The following REV3L variants were observed in gnomAD, a reference collection of about 807,000 sequenced individuals.
REV3L encodes REV3 like, DNA directed polymerase zeta catalytic subunit, also known as DNA polymerase zeta catalytic subunit.
REV3L carries 69 observed loss-of-function variants against 299.4 expected under a neutral mutation model. The ratio of observed to expected loss-of-function variants is 0.23; its 90% CI spans 0.19 to 0.28. The LOEUF is 0.28. Among genes scored for constraint, REV3L ranks in the 10% least tolerant of loss-of-function variants. REV3L has a pLI of 1.00. For missense variants in REV3L, 3,128 were observed against 3,693.8 expected, an observed-to-expected ratio of 0.85 and a Z score of 3.97; for synonymous variants, 1,238 against 1,271.4, an observed-to-expected ratio of 0.97 and a Z score of 0.56.
At chr6:111,323,091 C>T (rs562711886) in intron 25 of REV3L, among the ~76,000 whole-genome samples, 17 of 151,756 alleles carry the variant, frequency 1.1e-4, no homozygotes, top group Non-Finnish European at 2.5e-4. Flanking sequence ...TGGGTTCAAG[C>T]GATTCTCCTG....
chr6:111,382,619 C>A (rs1227761862), intron 9 of REV3L, among the ~76,000 whole-genome samples: 4 of 152,184 alleles, frequency 2.6e-5, no homozygotes, highest in African/African-American at 7.2e-5. Flanking sequence ...CTACTATGGG[C>A]TAAAGTGCTT....
intron 1 of REV3L, among the ~76,000 whole-genome samples, chr6:111,423,921 T>TA (rs745785161): frequency 9.9e-5 from 15 of 152,220 alleles, no homozygotes; most frequent in Non-Finnish European, 1.8e-4. Context: ...TATACAATTT[T>TA]ACATGTCTAT....
Position 111,343,965 on chromosome 6 carries a change from C to T in REV3L, c.7498G>A (p.Val2500Ile). ...TTGTTATCAAACCAGTCTGACAAGACTCGAAAGGTAAAGAGGGGAAAACGC... is the reference window on the plus strand; with the variant it reads ...TTGTTATCAAACCAGTCTGACAAGATTCGAAAGGTAAAGAGGGGAAAACGC... ...HQRFPLFTFR[V>I]LSDWFDNKTD... The change falls in exon 21 of 32, where the codon GTC (valine) becomes ATC (isoleucine). Residue 2500 changes from valine (V) to isoleucine (I), a missense_variant. Val to Ile is a conservative substitution (Grantham distance 29, BLOSUM62 3). This residue lies in a region of REV3L where 149 missense variants were observed against 286.4 expected (regional missense o/e 0.52). Coordinates refer to ENST00000368802, the MANE Select transcript of REV3L (RefSeq NM_001372078.1). 6.2e-7 allele frequency: 1 copy of T among 1,613,226 alleles called. No homozygotes were observed. Among genetic ancestry groups the T allele is most frequent in the Non-Finnish European group, 8.5e-7 (1 of 1,179,696 alleles).
chr6:111,354,848 C>G (rs1258789513), intron 18 of REV3L, among the ~76,000 whole-genome samples: 1 of 152,110 alleles, frequency 6.6e-6, no homozygotes, highest in African/African-American at 2.4e-5. Flanking sequence ...CAGAAAAAAG[C>G]TGCTTCACAG....
chr6:111,306,492 T>C (rs923464413), intron 31 of REV3L, among the ~76,000 whole-genome samples: 2 of 152,198 alleles, frequency 1.3e-5, no homozygotes, highest in Admixed American at 1.3e-4. Context: ...CAAATTTTTC[T>C]TTAGATTTCA....
Position 111,374,376 on chromosome 6 carries a change from T to C in REV3L, c.3979A>G (p.Ile1327Val), listed in dbSNP as rs55717383. Residue 1327 changes from isoleucine (I) to valine (V), a missense_variant, in exon 13 of 32, where the codon ATA (isoleucine) becomes GTA (valine). Coordinates refer to ENST00000368802, the MANE Select transcript of REV3L (RefSeq NM_001372078.1). ...TTAATTTTTGAGACTCCAGGTCCTA[T>C]AGAATTACAAACAACTGATGGATGC... ...DLHPSVVCNSIGPGVSKINVQ... is the reference protein window; with the variant it reads ...DLHPSVVCNSVGPGVSKINVQ... 578 of 1,614,018 alleles carry C rather than the reference T, an allele frequency of 3.6e-4. 6 individuals carry two copies. The African/African-American group carries it at 6.4e-3, about 18-fold the overall frequency.
intron 1 of REV3L, among the ~76,000 whole-genome samples, chr6:111,422,078 T>A (rs908244215): frequency 2.0e-5 from 3 of 152,202 alleles, no homozygotes; most frequent in African/African-American, 4.8e-5. Context: ...TCAGAATTTA[T>A]CTTACAGAAA....
At chr6:111,301,129 A>C (rs1263020200) in intron 31 of REV3L, among the ~76,000 whole-genome samples, 1 of 151,626 alleles carries the variant, frequency 6.6e-6, no homozygotes, top group African/African-American at 2.4e-5. Context: ...TAGACACGGG[A>C]TGAAATATGC....
Position 111,309,999 on chromosome 6 carries a change from C to G in REV3L, c.8896G>C (p.Val2966Leu). The change falls in exon 30 of 32, where the codon GTA becomes CTA. Residue 2966 changes from valine (V) to leucine (L), a missense_variant. Physicochemically the swap from Val to Leu is conservative, Grantham distance 32 (BLOSUM62 1). Around this residue, in one of 9 missense-constraint regions of REV3L, gnomAD observed 294 missense variants for 377.0 expected, o/e 0.78. Coordinates refer to ENST00000368802, the MANE Select transcript of REV3L (RefSeq NM_001372078.1). ...TGCAGGACTTCCACTGGGCGCCTTA[C>G]AAGCTGGATAAGTGGTACTCCGGGG... is the stretch of plus-strand genomic sequence containing the variant. ...GTPGVPLIQL[V>L]RRPVEVLQDP... is the part of the protein sequence containing the mutation. The G allele has an allele frequency of 1.2e-6, 2 of 1,613,836 alleles. No homozygotes were observed. Among genetic ancestry groups the G allele is most frequent in the Non-Finnish European group, 1.7e-6 (2 of 1,179,884 alleles).
intron 21 of REV3L, among the ~76,000 whole-genome samples, chr6:111,336,238 A>G (rs1405949359): frequency 6.6e-6 from 1 of 152,056 alleles, no homozygotes; most frequent in Non-Finnish European, 1.5e-5. Context: ...AAGAAAACAA[A>G]CAATAAAACC....
At position 111,376,175 on chromosome 6, in the gene REV3L, C is replaced by A. The variant is rs755045446; in HGVS notation, c.2180G>T (p.Gly727Val). The change falls in exon 13 of 32, where the codon GGA (glycine) becomes GTA (valine). Residue 727 changes from glycine to valine, a missense_variant. Physicochemically the swap from Gly to Val is moderately radical, Grantham distance 109. Transcript: ENST00000368802. ...TAAACTACTCAGAGCTGTGCTGTTT[C>A]CTTTTTCATTTCCTTCAGAGGATAC... ...NKVSSEGNEK[G>V]NSTALSSLFP... The A allele has an allele frequency of 1.2e-6, 2 of 1,612,162 alleles. No homozygotes were observed. Among genetic ancestry groups the A allele is most frequent in the South Asian group, 1.1e-5 (1 of 90,824 alleles).
chr6:111,441,761 G>C (rs1041922355), intron 1 of REV3L, among the ~76,000 whole-genome samples: 4 of 152,030 alleles, frequency 2.6e-5, no homozygotes, highest in African/African-American at 9.7e-5. Context: ...TACTGTCTTT[G>C]GGTTTCCCTA....
At chr6:111,356,493 A>C (rs1778099735) in intron 18 of REV3L, among the ~76,000 whole-genome samples, 1 of 152,210 alleles carries the variant, frequency 6.6e-6, no homozygotes, top group East Asian at 1.9e-4. Context: ...TGTGCACAAG[A>C]GTATGTAATA....
intron 19 of REV3L, among the ~76,000 whole-genome samples, chr6:111,350,579 C>G (rs1167197388): frequency 6.6e-6 from 1 of 151,836 alleles, no homozygotes; most frequent in Non-Finnish European, 1.5e-5. Context: ...ATCTCTGCCC[C>G]CCATTCCCTT....
Position 111,482,803 on chromosome 6 carries a change from T to C in REV3L, c.86A>G (p.Gln29Arg). ...GLDTCQSPLT[Q>R]APVKKVPVVR... Reference sequence around the variant, plus strand: ...CACCGGCACCTTCTTGACAGGGGCCTGGGTGAGGGGGGATTGGCAGGTATC... The same window carrying C: ...CACCGGCACCTTCTTGACAGGGGCCCGGGTGAGGGGGGATTGGCAGGTATC... Residue 29 changes from glutamine (Q) to arginine (R), a missense_variant, in exon 1 of 32, where the codon CAG becomes CGG. Physicochemically the swap from Gln to Arg is conservative, Grantham distance 43 (BLOSUM62 1). Transcript: ENST00000368802. The C allele has an allele frequency of 6.7e-7, 1 of 1,502,632 alleles. No individual in the cohort carries two copies. Among genetic ancestry groups the C allele is most frequent in the Non-Finnish European group, 8.9e-7 (1 of 1,128,438 alleles). 93.1% of individuals were successfully genotyped at this position (1,502,632 alleles called of 1,614,324 possible).
At chr6:111,366,197 G>A (rs1055896499) in intron 14 of REV3L, among the ~76,000 whole-genome samples, 5 of 152,144 alleles carry the variant, frequency 3.3e-5, no homozygotes, top group African/African-American at 4.8e-5. Flanking sequence ...TAAGTGTGTT[G>A]GGGAAGTGGT....
chr6:111,367,757 G>A lies in REV3L; in HGVS notation c.6031C>T (p.Gln2011Ter). ...GAACGTTCGTATTCTTCTTTGGCTT[G>A]AAGCCACACTTGAACCAGTTGTCGA... The part of the protein sequence containing the change: ...PSRQLVQVWL[Q>*]AKEEYERSKK... Residue 2011 changes from glutamine to a stop codon, truncating the protein, a stop_gained, in exon 14 of 32, where the codon CAA (glutamine) becomes TAA (stop). Coordinates refer to ENST00000368802, the MANE Select transcript of REV3L (RefSeq NM_001372078.1). LOFTEE classifies it high-confidence loss of function. 1 of 1,614,180 alleles carries A rather than the reference G, an allele frequency of 6.2e-7. No homozygotes were observed. The highest frequency in any genetic ancestry group is 8.5e-7 in the Non-Finnish European group (1 of 1,180,034).
intron 31 of REV3L, among the ~76,000 whole-genome samples, chr6:111,300,869 A>G (rs972347616): frequency 6.6e-5 from 10 of 152,238 alleles, no homozygotes; most frequent in Non-Finnish European, 1.3e-4. Flanking sequence ...TGTTTGAACA[A>G]TATGAAATCT....
intron 19 of REV3L, among the ~76,000 whole-genome samples, chr6:111,349,955 A>T (rs1777425818): frequency 6.6e-6 from 1 of 152,172 alleles, no homozygotes; most frequent in Admixed American, 6.5e-5. Flanking sequence ...TTCTTAGGAG[A>T]TGAAGTTTAC....
Sources: gnomAD v4.1 joint callset for allele counts (sites outside exome capture counted in the v4.1 genomes callset) on GRCh38, gnomAD v4.1.1 for gene constraint, gnomAD v4.1.1 regional missense constraint, MANE v1.5 for transcripts, NCBI Gene and HGNC (gene_info 2026-07-23, HGNC 2026-07-21) for gene names.